The following MEGF6 variants were observed in gnomAD, a reference collection of about 807,000 sequenced individuals.
MEGF6 encodes multiple epidermal growth factor-like domains protein 6.
MEGF6 carries 184 observed loss-of-function variants against 207.1 expected under a neutral mutation model. That is an observed-to-expected ratio of 0.89 (90% CI 0.79 to 1.00). The LOEUF (loss-of-function observed/expected upper bound fraction) is 1.00, where lower values mean the gene tolerates loss of function less well. MEGF6 is among the 50% of genes least tolerant of loss of function. The pLI is 0.00. For missense variants in MEGF6, 2,282 were observed against 2,202.9 expected (o/e 1.04, Z -0.72); for synonymous variants, 1,038 against 910.0 (o/e 1.14, Z -2.53).
At chr1:3,620,144 A>G in the MEGF6 span, among the ~76,000 whole-genome samples, 4 of 152,352 alleles carry the variant, frequency 2.6e-5, no homozygotes, top group African/African-American at 9.6e-5. Flanking sequence ...TAAGCGGCAA[A>G]GCATTTGAGA....
intron 4 of MEGF6, among the ~76,000 whole-genome samples, chr1:3,558,529 T>A (rs1643100335): frequency 2.6e-5 from 4 of 152,182 alleles, no homozygotes; most frequent in Admixed American, 1.3e-4. Context: ...CTGCCCCGAC[T>A]TCCCTTTTTC....
intron 26 of MEGF6, chr1:3,497,598 G>A: frequency 1.5e-6 from 1 of 686,250 alleles, no homozygotes; most frequent in Non-Finnish European, 2.7e-6. Context: ...TCACAGTGAG[G>A]CCCGAATGTG....
chr1:3,492,013 CTG>C (rs1403367953), intron 35 of MEGF6, among the ~76,000 whole-genome samples: 1 of 152,070 alleles, frequency 6.6e-6, no homozygotes, highest in Non-Finnish European at 1.5e-5. Context: ...CATTCACACA[CTG>C]ATGCACACGT....
chr1:3,554,999 G>A (rs1642992398), intron 4 of MEGF6, among the ~76,000 whole-genome samples: 2 of 152,204 alleles, frequency 1.3e-5, no homozygotes, highest in Admixed American at 1.3e-4. Flanking sequence ...GACAAGGGCT[G>A]ATCCCAGGTC....
chr1:3,572,848 C>T (rs1020478236), intron 4 of MEGF6, among the ~76,000 whole-genome samples: 1 of 142,576 alleles, frequency 7.0e-6, no homozygotes, highest in Non-Finnish European at 1.5e-5. Flanking sequence ...CTGGGTCCTT[C>T]CTGGGTGTGC....
At chr1:3,574,920 G>A (rs1643600626) in intron 4 of MEGF6, among the ~76,000 whole-genome samples, 1 of 152,200 alleles carries the variant, frequency 6.6e-6, no homozygotes, top group Non-Finnish European at 1.5e-5. Flanking sequence ...TGGGATTACA[G>A]GTGTGAGCCA....
rs149727730 is a variant in MEGF6, at chr1:3,560,837, C to T, written c.481+18988G>A. The T allele has an allele frequency of 2.3e-3, 1,036 of 446,916 alleles. 12 individuals are homozygous for T. In the African/African-American group the frequency reaches 0.023, roughly 10 times the overall value. 27.7% of individuals were successfully genotyped at this position (446,916 alleles called of 1,614,324 possible). On this transcript the variant is annotated intron_variant, in intron 4 of 36. Coordinates refer to ENST00000356575, the MANE Select transcript of MEGF6 (RefSeq NM_001409.4). This position sits in a 1 kb window ranked among gnomAD's most constrained non-coding sequence, Gnocchi z 4.0. ...CAGGAACAGCCTCAGGCGTCGGCCGCGAGGGGGTTGCTGGGCTGGCTGGTC... is the reference window on the plus strand; with the variant it reads ...CAGGAACAGCCTCAGGCGTCGGCCGTGAGGGGGTTGCTGGGCTGGCTGGTC...
rs192636195 is a variant in MEGF6, at chr1:3,606,994, C to T, written c.131+4144G>A. On this transcript the variant is annotated intron_variant, in intron 1 of 36. Coordinates refer to ENST00000356575, the MANE Select transcript of MEGF6 (RefSeq NM_001409.4). ...GGGCCTGCTGTGCAGCCTGGAGTCACTGACCATCTCTGAGCCCTCAATTCA... is the reference window on the plus strand; with the variant it reads ...GGGCCTGCTGTGCAGCCTGGAGTCATTGACCATCTCTGAGCCCTCAATTCA... Among the ~76,000 whole-genome samples, 25 of 152,260 alleles carry T rather than the reference C, an allele frequency of 1.6e-4. No individual in the cohort carries two copies. The East Asian group carries it at 4.1e-3, about 25-fold the overall frequency.
intron 4 of MEGF6, among the ~76,000 whole-genome samples, chr1:3,559,619 G>A (rs1472545433): frequency 6.6e-6 from 1 of 151,942 alleles, no homozygotes; most frequent in East Asian, 1.9e-4. Flanking sequence ...GGGACGGTGG[G>A]AGTATGAAGC....
At chr1:3,570,993 G>A (rs78670261) in intron 4 of MEGF6, among the ~76,000 whole-genome samples, 2,594 of 152,238 alleles carry the variant, frequency 0.017, 38 homozygotes, top group Non-Finnish European at 0.026. Context: ...CCTCTGAGCC[G>A]GCTCAGCACC....
At chr1:3,583,220 C>G (rs1350284114) in intron 3 of MEGF6, among the ~76,000 whole-genome samples, 1 of 152,170 alleles carries the variant, frequency 6.6e-6, no homozygotes, top group Admixed American at 6.5e-5. Context: ...CTGGTAGACA[C>G]CCCCATGCCG....
intron 4 of MEGF6, among the ~76,000 whole-genome samples, chr1:3,569,177 G>A (rs965857502): frequency 4.6e-5 from 7 of 152,250 alleles, no homozygotes; most frequent in Admixed American, 4.6e-4. Flanking sequence ...TTCAGGGGGG[G>A]AGACCGAGGC....
At chr1:3,490,702 C>A in intron 36 of MEGF6, 113 bp from the exon 37 acceptor site, 1 of 1,253,950 alleles carries the variant, frequency 8.0e-7, no homozygotes, top group South Asian at 1.4e-5. Context: ...CAGCTCAGCC[C>A]AGCAGGTGGG....
chr1:3,580,164 A>T (rs1643757993), intron 3 of MEGF6, among the ~76,000 whole-genome samples: 1 of 151,052 alleles, frequency 6.6e-6, no homozygotes, highest in Non-Finnish European at 1.5e-5. Flanking sequence ...AGGGCAGTAA[A>T]GCCCTAACTC....
intron 3 of MEGF6, among the ~76,000 whole-genome samples, chr1:3,593,243 C>G (rs952123787): frequency 2.0e-5 from 3 of 152,258 alleles, no homozygotes; most frequent in Admixed American, 2.0e-4. Context: ...GCTGAACCAG[C>G]CTCGGGGGAC....
Position 3,498,797 on chromosome 1 carries a change from A to G in MEGF6, c.3124T>C (p.Cys1042Arg). ...TTCTGGCAGAGGCAGGAATGCCGAC[A>G]GTTGTCGCCGTACAGGCCGGCAGGG... ...ACPAGLYGDN[C>R]RHSCLCQNGG... The change falls in exon 25 of 37, where the codon TGT becomes CGT. Residue 1042 changes from cysteine to arginine, a missense_variant. Coordinates refer to ENST00000356575, the MANE Select transcript of MEGF6 (RefSeq NM_001409.4). 6.4e-7 allele frequency: 1 copy of G among 1,555,592 alleles called. No homozygotes were observed. Among genetic ancestry groups the G allele is most frequent in the Non-Finnish European group, 8.7e-7 (1 of 1,150,036 alleles).
At chr1:3,598,632 T>G (rs1373700945) in intron 2 of MEGF6, among the ~76,000 whole-genome samples, 1 of 151,588 alleles carries the variant, frequency 6.6e-6, no homozygotes, top group Non-Finnish European at 1.5e-5. Flanking sequence ...CAGCCCTCCG[T>G]TCTCCTGCAG....
intron 4 of MEGF6, among the ~76,000 whole-genome samples, chr1:3,563,817 T>C (rs1483763048): frequency 5.9e-5 from 9 of 151,682 alleles, no homozygotes. Flanking sequence ...GACACCTGAG[T>C]GTGGGAGGCG....
chr1:3,605,650 G>T (rs58072665), intron 1 of MEGF6, among the ~76,000 whole-genome samples: 9 of 138,538 alleles, frequency 6.5e-5, no homozygotes, highest in African/African-American at 2.3e-4. Flanking sequence ...GTACTCTCAC[G>T]CATGCAAGCT....
Sources: gnomAD v4.1 joint callset for allele counts (sites outside exome capture counted in the v4.1 genomes callset) on GRCh38, gnomAD v4.1.1 for gene constraint, Gnocchi (gnomAD v3.1) non-coding constraint, MANE v1.5 for transcripts, NCBI Gene and HGNC (gene_info 2026-07-23, HGNC 2026-07-21) for gene names.